The following PLGRKT variants were observed in gnomAD, a reference collection of about 807,000 sequenced individuals.
PLGRKT encodes plasminogen receptor with a C-terminal lysine.
In PLGRKT, 22 loss-of-function variants were observed where a neutral mutation model predicts 18.5. That is an observed-to-expected ratio of 1.19 (90% CI 0.85 to 1.70). The LOEUF is 1.70. PLGRKT is among the 40% of genes most tolerant of loss of function. The pLI is 0.00. For synonymous variants in PLGRKT, 72 were observed against 52.8 expected (o/e 1.36, Z -1.58); for missense variants, 235 against 174.4 (o/e 1.35, Z -1.96).
intron 3 of PLGRKT, among the ~76,000 whole-genome samples, chr9:5,408,951 T>G (rs891571241): frequency 6.6e-6 from 1 of 152,218 alleles, no homozygotes; most frequent in African/African-American, 2.4e-5. Flanking sequence ...GCAGCTTCCA[T>G]GTGATGCTAA....
chr9:5,417,829 G>C (rs1434040063), intron 3 of PLGRKT, among the ~76,000 whole-genome samples: 1 of 151,960 alleles, frequency 6.6e-6, no homozygotes, highest in African/African-American at 2.4e-5. Flanking sequence ...TGTCCATTTT[G>C]ACTTGTTTTG....
At chr9:5,385,059 G>C (rs1367308938) in intron 3 of PLGRKT, among the ~76,000 whole-genome samples, 1 of 152,082 alleles carries the variant, frequency 6.6e-6, no homozygotes, top group Admixed American at 6.6e-5. Flanking sequence ...GCCAGGGGAG[G>C]GCAGATCATG....
intron 3 of PLGRKT, among the ~76,000 whole-genome samples, chr9:5,402,022 C>T (rs1818165020): frequency 6.6e-6 from 1 of 151,730 alleles, no homozygotes; most frequent in Admixed American, 6.6e-5. Flanking sequence ...GTAATTATCG[C>T]AGGTATGTAA....
At chr9:5,401,059 T>C (rs925178717) in intron 3 of PLGRKT, among the ~76,000 whole-genome samples, 1 of 152,050 alleles carries the variant, frequency 6.6e-6, no homozygotes. Context: ...AAAATTTTAC[T>C]TTTTAAGGAA....
At chr9:5,368,241 A>G (rs758851458) in intron 3 of PLGRKT, among the ~76,000 whole-genome samples, 4 of 152,220 alleles carry the variant, frequency 2.6e-5, no homozygotes, top group African/African-American at 9.6e-5. Flanking sequence ...GTATATATCC[A>G]AAAGAAAATA....
At chr9:5,407,119 G>A (rs1416544823) in intron 3 of PLGRKT, among the ~76,000 whole-genome samples, 3 of 152,014 alleles carry the variant, frequency 2.0e-5, no homozygotes, top group Non-Finnish European at 2.9e-5. Context: ...TTACTTTGGA[G>A]TACATAATTT....
intron 3 of PLGRKT, among the ~76,000 whole-genome samples, chr9:5,393,220 G>C (rs1431361685): frequency 6.6e-6 from 1 of 151,832 alleles, no homozygotes; most frequent in African/African-American, 2.4e-5. Context: ...TTCTCCCTCA[G>C]TGAGTGAAGT....
At chr9:5,419,855 G>A (rs76663843) in intron 3 of PLGRKT, among the ~76,000 whole-genome samples, 3,904 of 152,216 alleles carry the variant, frequency 0.026, 133 homozygotes, top group African/African-American at 0.071. Flanking sequence ...ATATGACTCC[G>A]CAACTCCATT....
intron 3 of PLGRKT, among the ~76,000 whole-genome samples, chr9:5,402,466 C>T (rs529171376): frequency 6.6e-6 from 1 of 152,020 alleles, no homozygotes; most frequent in Admixed American, 6.5e-5. Flanking sequence ...CTTAGGAACC[C>T]ACTGCCATAG....
At chr9:5,405,404 A>T (rs949004702) in intron 3 of PLGRKT, among the ~76,000 whole-genome samples, 1 of 152,220 alleles carries the variant, frequency 6.6e-6, no homozygotes, top group Admixed American at 6.5e-5. Flanking sequence ...TGGTATTTTT[A>T]AAATAGACAC....
Position 5,359,721 on chromosome 9 carries a change from G to T in PLGRKT, c.322+1357C>A, listed in dbSNP as rs139519505. The stretch of plus-strand genomic sequence containing the variant: ...ATGAATTTGACTTTTTTTTAAACAG[G>T]AAATTCCCACAAAAATTTCCTATTA... On this transcript the variant is annotated intron_variant, in intron 5 of 5. Transcript: ENST00000223864. Among the ~76,000 whole-genome samples the T allele has an allele frequency of 1.9e-3, 290 of 152,130 alleles. 1 individual carries two copies. Among genetic ancestry groups the T allele is most frequent in the African/African-American group, 6.7e-3 (277 of 41,530 alleles).
chr9:5,358,039 T>C lies in PLGRKT; in HGVS notation c.*200A>G. 2.3e-6 allele frequency: 1 copy of C among 434,594 alleles called. No homozygotes were observed. The highest frequency in any genetic ancestry group is 4.1e-6 in the Non-Finnish European group (1 of 245,972). 26.9% of individuals were successfully genotyped at this position (434,594 alleles called of 1,614,324 possible). On this transcript the variant is annotated 3_prime_UTR_variant, in exon 6 of 6. Transcript: ENST00000223864. ...TGGTAATGCACACAGAGAGAGGAAATCTAAAAGTTATTTAGAGCACCTCCA... is the reference window on the plus strand; with the variant it reads ...TGGTAATGCACACAGAGAGAGGAAACCTAAAAGTTATTTAGAGCACCTCCA...
chr9:5,370,824 T>C (rs1817499648), intron 3 of PLGRKT, among the ~76,000 whole-genome samples: 1 of 152,220 alleles, frequency 6.6e-6, no homozygotes, highest in Non-Finnish European at 1.5e-5. Context: ...TAATGAAAGC[T>C]GTGGCAAGTG....
In PLGRKT at chr9:5,361,019, G is replaced by A. The variant is rs569465393; in HGVS notation, c.322+59C>T. 1.4e-5 allele frequency: 13 copies of A among 902,654 alleles called. No individual in the cohort carries two copies. In the Admixed American group the frequency reaches 1.8e-4, roughly 13 times the overall value. The allele number at this position is 902,654 out of a possible 1,614,324, so 55.9% of individuals were successfully genotyped here. A position where few individuals can be genotyped will look rare whatever the true frequency, so the allele number is the denominator to read the frequency against. ...TATAAGTCAAAGGTTCCTAAGGCAG[G>A]GATCCTTGAAATGGAAAATAAATCA... is the stretch of plus-strand genomic sequence containing the variant. On this transcript the variant is annotated intron_variant, in intron 5 of 5. Coordinates refer to ENST00000223864, the MANE Select transcript of PLGRKT (RefSeq NM_018465.4).
upstream of PLGRKT, among the ~76,000 whole-genome samples, chr9:5,438,348 G>T (rs145578003): frequency 6.6e-6 from 1 of 152,130 alleles, no homozygotes; most frequent in Admixed American, 6.5e-5. Context: ...TTGAATTGTT[G>T]GCACTCTGTT....
chr9:5,413,989 G>A (rs1241907859), intron 3 of PLGRKT, among the ~76,000 whole-genome samples: 1 of 152,122 alleles, frequency 6.6e-6, no homozygotes, highest in Non-Finnish European at 1.5e-5. Context: ...GGGGGCATAA[G>A]AAAATACTCA....
Position 5,418,534 on chromosome 9 carries a change from C to G in PLGRKT, c.81+13363G>C, listed in dbSNP as rs1417501544. 3.3e-6 allele frequency: 3 copies of G among 896,454 alleles called. No individual in the cohort carries two copies. The highest frequency in any genetic ancestry group is 5.6e-6 in the Non-Finnish European group (3 of 536,362). 55.5% of individuals were successfully genotyped at this position (896,454 alleles called of 1,614,324 possible). ...CCTGTCCTGCTCCTCCTCCGCCACC[C>G]CCTGGGGAGCCCTGCCTTGCAGAGG... On this transcript the variant is annotated intron_variant, in intron 3 of 5. Transcript: ENST00000223864. This position sits in a 1 kb window ranked among gnomAD's most constrained non-coding sequence, Gnocchi z 4.2.
intron 5 of PLGRKT, among the ~76,000 whole-genome samples, chr9:5,359,938 C>T (rs1199033690): frequency 6.6e-6 from 1 of 152,152 alleles, no homozygotes; most frequent in African/African-American, 2.4e-5. Flanking sequence ...ATAAAATGTA[C>T]ATAAAATTCC....
At chr9:5,403,609 A>G (rs1018363119) in intron 3 of PLGRKT, among the ~76,000 whole-genome samples, 4 of 152,266 alleles carry the variant, frequency 2.6e-5, no homozygotes, top group Admixed American at 6.5e-5. Flanking sequence ...TTGTTCTACT[A>G]AAGCACAAGA....
Sources: gnomAD v4.1 joint callset for allele counts (sites outside exome capture counted in the v4.1 genomes callset) on GRCh38, gnomAD v4.1.1 for gene constraint, Gnocchi (gnomAD v3.1) non-coding constraint, MANE v1.5 for transcripts, NCBI Gene and HGNC (gene_info 2026-07-23, HGNC 2026-07-21) for gene names.